The following EYS variants were observed in gnomAD, a reference collection of about 807,000 sequenced individuals.
The protein encoded by EYS is protein eyes shut homolog.
In EYS, 250 loss-of-function variants were observed where a neutral mutation model predicts 282.1. The ratio of observed to expected loss-of-function variants is 0.89; its 90% CI spans 0.80 to 0.98. The LOEUF (loss-of-function observed/expected upper bound fraction) is 0.98, where lower values mean the gene tolerates loss of function less well. Among genes scored for constraint, EYS ranks in the 50% least tolerant of loss-of-function variants. The pLI is 0.00. For synonymous variants in EYS, 1,355 were observed against 1,282.9 expected (o/e 1.06, Z -1.20); for missense variants, 4,016 against 3,709.0 (o/e 1.08, Z -2.15).
chr6:64,796,741 G>A (rs1355261414), intron 22 of EYS, among the ~76,000 whole-genome samples: 1 of 152,078 alleles, frequency 6.6e-6, no homozygotes, highest in Non-Finnish European at 1.5e-5. Context: ...ATGTGGAGTT[G>A]AATATGAACA....
intron 26 of EYS, among the ~76,000 whole-genome samples, chr6:64,552,005 C>T (rs1046798733): frequency 2.4e-4 from 37 of 152,090 alleles, no homozygotes; most frequent in African/African-American, 4.1e-4. Flanking sequence ...CCTGACTTCA[C>T]GTGATTCACC....
chr6:64,911,827 A>C (rs1768001272), intron 16 of EYS, among the ~76,000 whole-genome samples: 1 of 152,182 alleles, frequency 6.6e-6, no homozygotes, highest in Admixed American at 6.6e-5. Context: ...TGCATTAATA[A>C]GACTTTCTTC....
chr6:64,137,462 C>T (rs968286828), intron 31 of EYS, among the ~76,000 whole-genome samples: 9 of 152,146 alleles, frequency 5.9e-5, no homozygotes, highest in African/African-American at 1.9e-4. Context: ...GCCTTCCTCA[C>T]GATGCTTGAT....
intron 35 of EYS, among the ~76,000 whole-genome samples, chr6:63,911,243 A>C (rs79189257): frequency 0.012 from 1,881 of 152,288 alleles, 35 homozygotes; most frequent in African/African-American, 0.043. Context: ...TCTGAGGTCA[A>C]CTTCCTGCTG....
At chr6:65,606,061 T>C (rs1329698083) in intron 2 of EYS, among the ~76,000 whole-genome samples, 1 of 151,612 alleles carries the variant, frequency 6.6e-6, no homozygotes, top group Non-Finnish European at 1.5e-5. Flanking sequence ...ACTGAGTTCT[T>C]ACAGTTAAAA....
At chr6:63,933,568 G>A (rs1251366334) in intron 35 of EYS, among the ~76,000 whole-genome samples, 1 of 152,134 alleles carries the variant, frequency 6.6e-6, no homozygotes, top group Admixed American at 6.6e-5. Context: ...ATTGGCCATT[G>A]GTGATCAACT....
intron 19 of EYS, among the ~76,000 whole-genome samples, chr6:64,842,093 A>C (rs924091825): frequency 6.6e-6 from 1 of 151,908 alleles, no homozygotes; most frequent in Non-Finnish European, 1.5e-5. Flanking sequence ...ACTATCTGTT[A>C]CTCTCTATCA....
chr6:63,841,042 A>G (rs114943810), intron 36 of EYS, among the ~76,000 whole-genome samples: 48 of 152,210 alleles, frequency 3.2e-4, no homozygotes, highest in Non-Finnish European at 6.0e-4. Flanking sequence ...TCTAGTACTA[A>G]GAAATATAAA....
At chr6:63,796,986 A>C (rs1237706307) in intron 37 of EYS, among the ~76,000 whole-genome samples, 1 of 152,172 alleles carries the variant, frequency 6.6e-6, no homozygotes, top group Non-Finnish European at 1.5e-5. Flanking sequence ...ATGGCGCTTG[A>C]TTACTGGTGG....
chr6:64,126,092 A>ACTAGTTGT (rs1773777189), intron 31 of EYS, among the ~76,000 whole-genome samples: 1 of 152,004 alleles, frequency 6.6e-6, no homozygotes, highest in Non-Finnish European at 1.5e-5. Flanking sequence ...GGGATTGTAA[A>ACTAGTTGT]CTAGTTGTTG....
At chr6:65,348,924 C>T (rs1181056734) in intron 9 of EYS, among the ~76,000 whole-genome samples, 1 of 151,500 alleles carries the variant, frequency 6.6e-6, no homozygotes, top group Non-Finnish European at 1.5e-5. Context: ...TTTCATTCTT[C>T]CCCCATCCAA....
At chr6:64,141,384 C>T (rs1274238054) in intron 31 of EYS, among the ~76,000 whole-genome samples, 3 of 152,178 alleles carry the variant, frequency 2.0e-5, no homozygotes, top group Admixed American at 1.3e-4. Flanking sequence ...AGAGAGAAAT[C>T]ACTTCTCAGA....
chr6:64,074,942 T>A (rs770985554), intron 32 of EYS, among the ~76,000 whole-genome samples: 1 of 151,930 alleles, frequency 6.6e-6, no homozygotes, highest in African/African-American at 2.4e-5. Flanking sequence ...GTACAATAGC[T>A]CACACTAACT....
rs1329511850 is a variant in EYS at position 65,060,115 on chromosome 6, C to A, written c.2024-2388G>T. 3.9e-5 allele frequency among the ~76,000 whole-genome samples: 6 copies of A among 151,924 alleles called. 1 individual carries two copies. Among genetic ancestry groups the A allele is most frequent in the African/African-American group, 1.4e-4 (6 of 41,388 alleles). ...AACAATTTCAGCCTTCAATTTCTTT[C>A]CACCCCTCATCCGTATTTCCCAAAC... is the stretch of plus-strand genomic sequence containing the variant. On this transcript the variant is annotated intron_variant, in intron 12 of 42. Transcript: ENST00000503581.
At chr6:65,415,063 T>C (rs1428529807) in intron 5 of EYS, among the ~76,000 whole-genome samples, 1 of 152,020 alleles carries the variant, frequency 6.6e-6, no homozygotes, top group African/African-American at 2.4e-5. Flanking sequence ...CTGCAAATGG[T>C]TTATAAAAGA....
At chr6:65,646,379 T>A (rs1767452007) in intron 1 of EYS, among the ~76,000 whole-genome samples, 1 of 152,078 alleles carries the variant, frequency 6.6e-6, no homozygotes, top group African/African-American at 2.4e-5. Flanking sequence ...TATCTGCAAG[T>A]CAATAAATGT....
chr6:64,888,485 A>C (rs2150064329), intron 18 of EYS, among the ~76,000 whole-genome samples: 1 of 152,114 alleles, frequency 6.6e-6, no homozygotes. Context: ...AATAAAATTA[A>C]TAGAAAAAGA....
chr6:64,348,156 A>G (rs1771481939), intron 29 of EYS, among the ~76,000 whole-genome samples: 1 of 151,460 alleles, frequency 6.6e-6, no homozygotes, highest in Non-Finnish European at 1.5e-5. Flanking sequence ...ATAATTTTAA[A>G]CATACCAACT....
intron 22 of EYS, among the ~76,000 whole-genome samples, chr6:64,787,217 G>A (rs1005679641): frequency 1.3e-5 from 2 of 152,106 alleles, no homozygotes; most frequent in Non-Finnish European, 2.9e-5. Flanking sequence ...GCTAGGCAAT[G>A]AGAGGTCTAG....
Sources: gnomAD v4.1 joint callset for allele counts (sites outside exome capture counted in the v4.1 genomes callset) on GRCh38, gnomAD v4.1.1 for gene constraint, MANE v1.5 for transcripts, NCBI Gene and HGNC (gene_info 2026-07-23, HGNC 2026-07-21) for gene names.